The following TMPRSS2 variants were observed in gnomAD, a reference collection of about 807,000 sequenced individuals.
TMPRSS2 encodes the protein transmembrane protease serine 2.
TMPRSS2 carries 59 observed loss-of-function variants against 67.4 expected under a neutral mutation model. That is an observed-to-expected ratio of 0.88 (90% CI 0.71 to 1.09). The LOEUF (loss-of-function observed/expected upper bound fraction) is 1.09. Ranked by LOEUF, TMPRSS2 falls within the 50% of genes least tolerant of loss-of-function variation. TMPRSS2 has a pLI of 0.00. For missense variants in TMPRSS2, 668 were observed against 642.7 expected (o/e 1.04, Z -0.43); for synonymous variants, 257 against 257.0 (o/e 1.00, Z 0.00).
intron 7 of TMPRSS2, among the ~76,000 whole-genome samples, chr21:41,477,156 C>T (rs867801280): frequency 2.2e-4 from 33 of 152,310 alleles, no homozygotes; most frequent in African/African-American, 6.7e-4. Context: ...ATTTCCCAGG[C>T]TATGCTGAGA....
chr21:41,480,583 G>C lies in TMPRSS2; in HGVS notation c.465C>G (p.Asn155Lys), dbSNP rs1023216142. 1 of 1,613,616 alleles carries C rather than the reference G, an allele frequency of 6.2e-7. No individual in the cohort carries two copies. Among genetic ancestry groups the C allele is most frequent in the Non-Finnish European group, 8.5e-7 (1 of 1,180,022 alleles). Reference protein sequence around the residue: ...ENRCVRLYGPNFILQVYSSQR... With the variant: ...ENRCVRLYGPKFILQVYSSQR... ...GAGATGAGTACACCTGAAGGATGAA[G>C]TTTGGTCCGTAGAGGCGAACTGCAC... The change falls in exon 6 of 14, where the codon AAC becomes AAG. Residue 155 changes from asparagine to lysine, a missense_variant. Asn to Lys is a moderately conservative substitution (Grantham distance 94). Coordinates refer to ENST00000332149, the MANE Select transcript of TMPRSS2 (RefSeq NM_005656.4).
intron 5 of TMPRSS2, among the ~76,000 whole-genome samples, chr21:41,482,377 T>G (rs889105037): frequency 3.3e-5 from 5 of 152,098 alleles, no homozygotes; most frequent in Non-Finnish European, 5.9e-5. Context: ...CAGAGCATCA[T>G]GAACAGGAAG....
At chr21:41,482,436 G>A (rs779042744) in intron 5 of TMPRSS2, among the ~76,000 whole-genome samples, 39 of 152,212 alleles carry the variant, frequency 2.6e-4, no homozygotes, top group Admixed American at 5.9e-4. Context: ...TAAATGATGC[G>A]TTCAAGTATC....
intron 5 of TMPRSS2, chr21:41,486,938 G>A (rs364289): frequency 0.28 from 42,175 of 152,104 alleles, 6,347 homozygotes; most frequent in African/African-American, 0.38. Flanking sequence ...CCGTGGGGGT[G>A]GGAGTGGAAG....
intron 1 of TMPRSS2, chr21:41,502,401 TCTC>T (rs1188907283): frequency 3.0e-6 from 3 of 985,158 alleles, no homozygotes; most frequent in Non-Finnish European, 2.4e-6. Flanking sequence ...GCACACACCT[TCTC>T]CTTCTCGAAG....
In TMPRSS2 at chr21:41,477,183, C is replaced by G. The variant is rs1205827459; in HGVS notation, c.684-563G>C. 2.0e-5 allele frequency among the ~76,000 whole-genome samples: 3 copies of G among 152,190 alleles called. No individual in the cohort carries two copies. The East Asian group carries it at 5.8e-4, about 29-fold the overall frequency. ...ATGCTGAGAAGGGAAGACGCGGCCC[C>G]TGGCATGCAGAGCTGGCCCGCCCTG... On this transcript the variant is annotated intron_variant, in intron 7 of 13. Coordinates refer to ENST00000332149, the MANE Select transcript of TMPRSS2 (RefSeq NM_005656.4).
intron 1 of TMPRSS2, among the ~76,000 whole-genome samples, chr21:41,504,793 C>T (rs1014761397): frequency 1.6e-4 from 25 of 152,288 alleles, no homozygotes; most frequent in African/African-American, 5.8e-4. Context: ...ACCCTTAGGG[C>T]CAGGAGGGGC....
In TMPRSS2 at chr21:41,464,324, T is replaced by C. The variant is rs750563551; in HGVS notation, c.*1818A>G. ...CTTTTGTAAATTGCAGTCTTGGGTATGTCTTTATTAGGAGCATGGAAACAG... is the reference window on the plus strand; with the variant it reads ...CTTTTGTAAATTGCAGTCTTGGGTACGTCTTTATTAGGAGCATGGAAACAG... On this transcript the variant is annotated 3_prime_UTR_variant, in exon 14 of 14. Transcript: ENST00000332149. Among the ~76,000 whole-genome samples the C allele has an allele frequency of 2.0e-5, 3 of 152,246 alleles. No individual in the cohort carries two copies. The highest frequency in any genetic ancestry group is 4.4e-5 in the Non-Finnish European group (3 of 68,042).
In TMPRSS2 at chr21:41,468,219, A is replaced by G. The variant is rs1221082058; in HGVS notation, c.1314+177T>C. On this transcript the variant is annotated intron_variant, in intron 12 of 13. Transcript: ENST00000332149. ...AGGGTGTGTGTGATTTGTTGACTGT[A>G]CTTCCTTCTGCCACCAGAAGCGTTC... 8.3e-5 allele frequency: 61 copies of G among 737,046 alleles called. No homozygotes were observed. The Admixed American group carries it at 1.8e-3, about 21-fold the overall frequency. 45.7% of individuals were successfully genotyped at this position (737,046 alleles called of 1,614,324 possible).
chr21:41,493,138 G>T (rs1373666320), intron 3 of TMPRSS2, among the ~76,000 whole-genome samples: 1 of 152,104 alleles, frequency 6.6e-6, no homozygotes, highest in African/African-American at 2.4e-5. Flanking sequence ...GTCTCTGGGG[G>T]TCCAAATTGT....
chr21:41,472,887 T>A (rs2146430121), intron 9 of TMPRSS2, among the ~76,000 whole-genome samples: 1 of 152,226 alleles, frequency 6.6e-6, no homozygotes, highest in East Asian at 1.9e-4. Flanking sequence ...TACCTAACCC[T>A]CTGCATGAGC....
chr21:41,475,612 GGTGAGGAGGTGAGTGAGGGTTGAGGGA>G (rs1171897292), intron 8 of TMPRSS2, among the ~76,000 whole-genome samples: 684 of 22,142 alleles, frequency 0.031, 30 homozygotes, highest in South Asian at 0.067. Flanking sequence ...AGAGTGAGGA[GGTGAGGAGGTGAGTGAGGGTTGAGGGA>G]GTGAGGAGGT....
At chr21:41,473,618 G>T in intron 8 of TMPRSS2, 122 bp from the exon 9 acceptor site, 1 of 1,152,348 alleles carries the variant, frequency 8.7e-7, no homozygotes, top group Non-Finnish European at 1.2e-6. Flanking sequence ...CCACTGCTGG[G>T]GATGGACTTA....
intron 10 of TMPRSS2, among the ~76,000 whole-genome samples, chr21:41,471,006 A>G (rs2091128805): frequency 6.6e-6 from 1 of 152,254 alleles, no homozygotes; most frequent in African/African-American, 2.4e-5. Flanking sequence ...TTCCAAAATT[A>G]CATATCTCCA....
In TMPRSS2 at chr21:41,489,488, C is replaced by T. The variant is rs756617407; in HGVS notation, c.325+19G>A. 7.4e-6 allele frequency: 12 copies of T among 1,611,196 alleles called. No individual in the cohort carries two copies. In the African/African-American group the frequency reaches 9.4e-5, roughly 13 times the overall value. On this transcript the variant is annotated intron_variant, in intron 4 of 13. Coordinates refer to ENST00000332149, the MANE Select transcript of TMPRSS2 (RefSeq NM_005656.4). ...GGACTGCAGGAGCACATGGTGGGAT[C>T]GAGGCTCCCTGCACTTACTGAACTT...
Position 41,465,365 on chromosome 21 carries a change from A to C in TMPRSS2, c.*777T>G. 1 of 233,652 alleles carries C rather than the reference A, an allele frequency of 4.3e-6. No homozygotes were observed. Among genetic ancestry groups the C allele is most frequent in the Non-Finnish European group, 8.5e-6 (1 of 118,038 alleles). The allele number at this position is 233,652 out of a possible 1,614,324, so 14.5% of individuals were successfully genotyped here. ...CCAGACTTGGCGCCCTGCCAGGACC[A>C]AGGGGCATGTGCACTCTCCAGGGTG... is the stretch of plus-strand genomic sequence containing the variant. On this transcript the variant is annotated 3_prime_UTR_variant, in exon 14 of 14. Transcript: ENST00000332149.
chr21:41,479,745 T>C (rs2091242036), intron 6 of TMPRSS2, among the ~76,000 whole-genome samples: 1 of 152,140 alleles, frequency 6.6e-6, no homozygotes, highest in African/African-American at 2.4e-5. Flanking sequence ...AAAACTGGCA[T>C]ATTGAATACC....
chr21:41,506,025 T>C (rs977127989), intron 1 of TMPRSS2, among the ~76,000 whole-genome samples: 1 of 152,244 alleles, frequency 6.6e-6, no homozygotes, highest in East Asian at 1.9e-4. Flanking sequence ...TTTGCAATGA[T>C]GCCTGGCTGA....
rs141583878 is a variant in TMPRSS2 at position 41,502,379 on chromosome 21, G to A, written c.-56-4190C>T. On this transcript the variant is annotated intron_variant, in intron 1 of 13. Coordinates refer to ENST00000332149, the MANE Select transcript of TMPRSS2 (RefSeq NM_005656.4). ...CAATGAAGTCTCCACTGACCTCACCGTGCACCATTGTGCACACACCTTCTC... is the reference window on the plus strand; with the variant it reads ...CAATGAAGTCTCCACTGACCTCACCATGCACCATTGTGCACACACCTTCTC... 3.6e-4 allele frequency: 356 copies of A among 985,300 alleles called. 3 individuals are homozygous for A. The highest frequency in any genetic ancestry group is 1.7e-3 in the Admixed American group (27 of 16,282). 61.0% of individuals were successfully genotyped at this position (985,300 alleles called of 1,614,324 possible). A position where few individuals can be genotyped will look rare whatever the true frequency, so the allele number is the denominator to read the frequency against.
Sources: gnomAD v4.1 joint callset for allele counts (sites outside exome capture counted in the v4.1 genomes callset) on GRCh38, gnomAD v4.1.1 for gene constraint, MANE v1.5 for transcripts, NCBI Gene and HGNC (gene_info 2026-07-23, HGNC 2026-07-21) for gene names.